The following GPAT3 variants were observed in gnomAD, a reference collection of about 807,000 sequenced individuals.
GPAT3 encodes glycerol-3-phosphate acyltransferase 3.
GPAT3 carries 53 observed loss-of-function variants against 58.8 expected under a neutral mutation model. The ratio of observed to expected loss-of-function variants is 0.90; its 90% CI spans 0.72 to 1.13. The LOEUF (loss-of-function observed/expected upper bound fraction) is 1.13. GPAT3 is among the 50% of genes most tolerant of loss of function. The pLI is 0.00. For synonymous variants in GPAT3, 197 were observed against 187.4 expected, an observed-to-expected ratio of 1.05 and a Z score of -0.42; for missense variants, 511 against 527.6, an observed-to-expected ratio of 0.97 and a Z score of 0.31.
chr4:83,566,143 C>T (rs939215921), intron 2 of GPAT3, among the ~76,000 whole-genome samples: 8 of 152,172 alleles, frequency 5.3e-5, no homozygotes, highest in Admixed American at 2.6e-4. Context: ...CCCATGGCTC[C>T]CCATGGCTGT....
intron 2 of GPAT3, among the ~76,000 whole-genome samples, chr4:83,566,355 T>C (rs1725381760): frequency 6.6e-6 from 1 of 151,994 alleles, no homozygotes; most frequent in Non-Finnish European, 1.5e-5. Context: ...TGTTTTAGTG[T>C]CTGGTAGAAA....
At position 83,578,973 on chromosome 4, in the gene GPAT3, TTTC is replaced by T. The variant is rs1560620702; in HGVS notation, c.209-2586_209-2584del. Among the ~76,000 whole-genome samples the T allele has an allele frequency of 1.8e-4, 24 of 131,730 alleles. 1 individual carries two copies. The highest frequency in any genetic ancestry group is 2.6e-4 in the South Asian group (1 of 3,874). 86.4% of individuals were successfully genotyped at this position (131,730 alleles called of 152,430 possible). On this transcript the variant is annotated intron_variant, in intron 2 of 11. Transcript: ENST00000264409. Reference sequence around the variant, plus strand: ...TTTTCTTTCTTTCTTTCTTTCTTTCTTTCTTTCTTTCTTTCCTTCCTTCCTTCC... The same window carrying T: ...TTTTCTTTCTTTCTTTCTTTCTTTCTTTTCTTTCTTTCCTTCCTTCCTTCC...
chr4:83,536,405 G>T lies in GPAT3; in HGVS notation c.-218G>T. 1 of 1,347,054 alleles carries T rather than the reference G, an allele frequency of 7.4e-7. No homozygotes were observed. The highest frequency in any genetic ancestry group is 9.5e-7 in the Non-Finnish European group (1 of 1,049,594). 83.4% of individuals were successfully genotyped at this position (1,347,054 alleles called of 1,614,324 possible). The stretch of plus-strand genomic sequence containing the variant: ...AGCCCAGACCTGGGCAGCCAGCGGA[G>T]AAAGAGTTAACTGGCAGGGGCGAGG... On this transcript the variant is annotated 5_prime_UTR_variant, in exon 1 of 12. Transcript: ENST00000264409.
chr4:83,581,952 T>C (rs939865638), intron 3 of GPAT3, 120 bp downstream of exon 3: 5 of 1,357,460 alleles, frequency 3.7e-6, no homozygotes, highest in Admixed American at 4.6e-5. Flanking sequence ...ACGTAGGAAA[T>C]GCCACCAAAC....
chr4:83,562,702 A>G (rs1029141205), intron 2 of GPAT3, among the ~76,000 whole-genome samples: 1 of 152,148 alleles, frequency 6.6e-6, no homozygotes, highest in Non-Finnish European at 1.5e-5. Flanking sequence ...ATTCATAGAA[A>G]AAGGGCAGGA....
chr4:83,595,628 C>A (rs750017442), intron 7 of GPAT3, among the ~76,000 whole-genome samples: 1 of 151,862 alleles, frequency 6.6e-6, no homozygotes, highest in Admixed American at 6.6e-5. Context: ...GAGGAAGGAT[C>A]GCTTGAGACC....
intron 11 of GPAT3, among the ~76,000 whole-genome samples, chr4:83,602,387 A>G (rs1360203457): frequency 1.3e-5 from 2 of 152,190 alleles, no homozygotes; most frequent in African/African-American, 4.8e-5. Context: ...ATTACTTTTA[A>G]TTACCTAGCC....
intron 1 of GPAT3, among the ~76,000 whole-genome samples, chr4:83,542,979 CAAG>C (rs1323493071): frequency 6.6e-6 from 1 of 151,986 alleles, no homozygotes; most frequent in East Asian, 1.9e-4. Flanking sequence ...GCCTGGGTAA[CAAG>C]AGCGAAAACT....
intron 1 of GPAT3, among the ~76,000 whole-genome samples, chr4:83,537,625 G>GTGTATATA (rs138199995): frequency 2.0e-5 from 3 of 147,582 alleles, no homozygotes; most frequent in Admixed American, 6.8e-5. Flanking sequence ...GTGTGTGTGT[G>GTGTATATA]TATATTTAAC....
At chr4:83,566,419 T>TTTATTATTATTA (rs10688921) in intron 2 of GPAT3, among the ~76,000 whole-genome samples, 1,618 of 143,562 alleles carry the variant, frequency 0.011, 27 homozygotes, top group African/African-American at 0.035. Context: ...AATTAATTAA[T>TTTATTATTATTA]TTATTATTAT....
At chr4:83,580,577 A>C (rs1402685826) in intron 2 of GPAT3, among the ~76,000 whole-genome samples, 1 of 152,150 alleles carries the variant, frequency 6.6e-6, no homozygotes, top group African/African-American at 2.4e-5. Context: ...AGTTGCTACT[A>C]CTTCCGTACT....
upstream of GPAT3, chr4:83,535,801 G>C: frequency 1.0e-6 from 1 of 985,474 alleles, no homozygotes; most frequent in South Asian, 4.7e-5. Context: ...GCGTTTTCCT[G>C]TCCTTGGAAG....
chr4:83,604,938 TTTG>T lies in GPAT3; in HGVS notation c.*182_*184del, dbSNP rs1347153487. 7 of 577,260 alleles carry T rather than the reference TTTG, an allele frequency of 1.2e-5. No homozygotes were observed. The highest frequency in any genetic ancestry group is 4.4e-5 in the South Asian group (2 of 45,282). The allele number at this position is 577,260 out of a possible 1,614,324, so 35.8% of individuals were successfully genotyped here. ...GAACCTACAGGTGCCCTTTTTGGCT[TTTG>T]TTGTTGTTGTAACATTAGCCCCATG... On this transcript the variant is annotated 3_prime_UTR_variant, in exon 12 of 12. Coordinates refer to ENST00000264409, the MANE Select transcript of GPAT3 (RefSeq NM_032717.5).
At chr4:83,604,391 C>T (rs1018411427) in intron 11 of GPAT3, among the ~76,000 whole-genome samples, 5 of 152,148 alleles carry the variant, frequency 3.3e-5, no homozygotes, top group African/African-American at 9.7e-5. Flanking sequence ...TTTAATACAC[C>T]ACCCCTTAAC....
At chr4:83,569,103 A>C (rs112063317) in intron 2 of GPAT3, among the ~76,000 whole-genome samples, 10 of 152,350 alleles carry the variant, frequency 6.6e-5, no homozygotes, top group African/African-American at 2.2e-4. Context: ...ATGGTTTAAC[A>C]TAGATCTGTT....
At chr4:83,563,591 C>T (rs577802629) in intron 2 of GPAT3, among the ~76,000 whole-genome samples, 1 of 150,484 alleles carries the variant, frequency 6.6e-6, no homozygotes, top group Non-Finnish European at 1.5e-5. Context: ...AAGCGATTCT[C>T]CTGCCTTAGG....
chr4:83,552,551 G>A lies in GPAT3; in HGVS notation c.208+7949G>A, dbSNP rs567358690. Among the ~76,000 whole-genome samples the A allele has an allele frequency of 2.0e-5, 3 of 152,330 alleles. No individual in the cohort carries two copies. The South Asian group carries it at 6.2e-4, about 32-fold the overall frequency. ...ATGACAAAGTAAGGCATAGGTGGGG[G>A]TGCTTAGATGAGCAGCAGGATTAGC... On this transcript the variant is annotated intron_variant, in intron 2 of 11. Coordinates refer to ENST00000264409, the MANE Select transcript of GPAT3 (RefSeq NM_032717.5).
chr4:83,598,180 G>T lies in GPAT3; in HGVS notation c.1125+1G>T, dbSNP rs927130273. 6.2e-7 allele frequency: 1 copy of T among 1,611,864 alleles called. No individual in the cohort carries two copies. ...GTACATGCCCCCCATGACCAGAGAG[G>T]TATTCCTTAGCTAACACTTTATCTA... On this transcript the variant is annotated splice_donor_variant, in intron 10 of 11. Coordinates refer to ENST00000264409, the MANE Select transcript of GPAT3 (RefSeq NM_032717.5). LOFTEE classifies it high-confidence loss of function.
intron 11 of GPAT3, among the ~76,000 whole-genome samples, chr4:83,600,321 A>G (rs1209130787): frequency 3.8e-5 from 4 of 105,056 alleles, no homozygotes; most frequent in Non-Finnish European, 9.2e-5. Flanking sequence ...TTATAAGGGC[A>G]CTAATCCCAT....
Sources: allele counts gnomAD v4.1 joint callset (sites outside exome capture counted in the v4.1 genomes callset), GRCh38; gene constraint gnomAD v4.1.1; transcripts MANE v1.5; gene names NCBI Gene and HGNC (gene_info 2026-07-23, HGNC 2026-07-21).